The following HMCN1 variants were observed in gnomAD, a reference collection of about 807,000 sequenced individuals.
The protein encoded by HMCN1 is hemicentin-1.
In HMCN1, 321 loss-of-function variants were observed where a neutral mutation model predicts 625.9. That is an observed-to-expected ratio of 0.51 (90% CI 0.47 to 0.56). HMCN1 has a LOEUF of 0.56. Among genes scored for constraint, HMCN1 ranks in the 20% least tolerant of loss-of-function variants. The probability of loss-of-function intolerance (pLI) is 0.00; values close to 1 mark genes in which losing one functional copy is unlikely to be tolerated. For missense variants in HMCN1, 6,588 were observed against 6,887.3 expected (o/e 0.96, Z 1.54); for synonymous variants, 2,425 against 2,417.6 (o/e 1.00, Z -0.09).
chr1:185,930,701 G>A (rs1667498979), intron 10 of HMCN1, among the ~76,000 whole-genome samples: 1 of 151,868 alleles, frequency 6.6e-6, no homozygotes, highest in Non-Finnish European at 1.5e-5. Flanking sequence ...TTGGTTATTG[G>A]GTTATTGATT....
At chr1:185,874,316 C>T (rs765162779) in intron 4 of HMCN1, among the ~76,000 whole-genome samples, 4 of 151,842 alleles carry the variant, frequency 2.6e-5, no homozygotes, top group Non-Finnish European at 5.9e-5. Flanking sequence ...TAAAAATATT[C>T]GTCAAGGACC....
chr1:186,153,204 A>G (rs1377032148), intron 96 of HMCN1, among the ~76,000 whole-genome samples: 1 of 152,196 alleles, frequency 6.6e-6, no homozygotes, highest in Non-Finnish European at 1.5e-5. Flanking sequence ...AAGGATAACA[A>G]TCGCCCTTTC....
At chr1:185,989,693 T>G (rs1652277443) in intron 21 of HMCN1, 46 bp downstream of exon 21, 2 of 1,591,486 alleles carry the variant, frequency 1.3e-6, no homozygotes, top group Non-Finnish European at 1.7e-6. Context: ...TGTCTATCTG[T>G]GCCAAAACTC....
At chr1:185,900,081 T>C (rs1665714171) in intron 4 of HMCN1, among the ~76,000 whole-genome samples, 1 of 152,032 alleles carries the variant, frequency 6.6e-6, no homozygotes, top group South Asian at 2.1e-4. Context: ...CTCTGTTTCT[T>C]CTTTACTTTT....
At chr1:185,975,204 A>G (rs1651108419) in intron 15 of HMCN1, among the ~76,000 whole-genome samples, 1 of 152,198 alleles carries the variant, frequency 6.6e-6, no homozygotes, top group Non-Finnish European at 1.5e-5. Flanking sequence ...AAAAGTAACT[A>G]GGTCTTAGAG....
At chr1:186,157,851 T>G (rs1347201085) in intron 97 of HMCN1, among the ~76,000 whole-genome samples, 4 of 152,148 alleles carry the variant, frequency 2.6e-5, no homozygotes, top group Non-Finnish European at 5.9e-5. Flanking sequence ...TGTTGGACAT[T>G]TGGGTTGGTT....
chr1:186,116,062 T>C (rs927679498), intron 75 of HMCN1, among the ~76,000 whole-genome samples: 34 of 152,100 alleles, frequency 2.2e-4, no homozygotes, highest in African/African-American at 8.0e-4. Flanking sequence ...ATGTCCACTT[T>C]AACAAAAATC....
chr1:185,735,502 A>C (rs2102057163), intron 1 of HMCN1, among the ~76,000 whole-genome samples: 1 of 152,344 alleles, frequency 6.6e-6, no homozygotes, highest in Non-Finnish European at 1.5e-5. Flanking sequence ...GTTGTGTGAG[A>C]CACAAGGAAG....
intron 63 of HMCN1, among the ~76,000 whole-genome samples, chr1:186,090,210 AT>A (rs373157878): frequency 6.6e-6 from 1 of 152,112 alleles, no homozygotes; most frequent in Non-Finnish European, 1.5e-5. Context: ...GAAACCAAAG[AT>A]GGCTAGAAAA....
intron 4 of HMCN1, among the ~76,000 whole-genome samples, chr1:185,892,324 C>A (rs1015931909): frequency 6.6e-6 from 1 of 152,044 alleles, no homozygotes; most frequent in Non-Finnish European, 1.5e-5. Context: ...CAAAGTCATT[C>A]TCCGTCCAGC....
chr1:185,972,747 T>C (rs1272324702), intron 15 of HMCN1, among the ~76,000 whole-genome samples: 1 of 152,142 alleles, frequency 6.6e-6, no homozygotes, highest in Non-Finnish European at 1.5e-5. Context: ...TGCTTCATTT[T>C]TGAGGTTTGC....
At chr1:185,784,963 C>A (rs1657458284) in intron 1 of HMCN1, among the ~76,000 whole-genome samples, 1 of 152,140 alleles carries the variant, frequency 6.6e-6, no homozygotes, top group Non-Finnish European at 1.5e-5. Context: ...AGAGTATGTA[C>A]TCATTTGTTC....
chr1:185,886,497 C>G (rs1664659349), intron 4 of HMCN1, among the ~76,000 whole-genome samples: 1 of 151,876 alleles, frequency 6.6e-6, no homozygotes, highest in Admixed American at 6.6e-5. Context: ...TTTAATTCAT[C>G]TCTTACTTGC....
At chr1:186,039,393 C>T (rs779367295) in intron 38 of HMCN1, among the ~76,000 whole-genome samples, 4 of 151,748 alleles carry the variant, frequency 2.6e-5, no homozygotes, top group Admixed American at 6.6e-5. Context: ...GAAGGGGGTA[C>T]ACACTTGTGT....
chr1:186,117,496 A>G lies in HMCN1; in HGVS notation c.11721A>G (p.Leu3907=), dbSNP rs762163828. The G allele has an allele frequency of 2.5e-5, 41 of 1,613,756 alleles. No individual in the cohort carries two copies. The highest frequency in any genetic ancestry group is 3.4e-5 in the Non-Finnish European group (40 of 1,179,858). The part of the protein sequence containing the change: ...PSIADEPTDF[L]VTKHAPAVIT... ...TAGCTGATGAGCCTACAGATTTCCTAGTAACCAAACATGCCCCAGCAGTAA... is the reference window on the plus strand; with the variant it reads ...TAGCTGATGAGCCTACAGATTTCCTGGTAACCAAACATGCCCCAGCAGTAA... The change falls in exon 77 of 107, where the codon CTA becomes CTG. Residue 3907 remains leucine, a synonymous_variant. Transcript: ENST00000271588.
At chr1:185,928,882 T>C (rs1281044605) in intron 10 of HMCN1, among the ~76,000 whole-genome samples, 1 of 152,094 alleles carries the variant, frequency 6.6e-6, no homozygotes, top group Non-Finnish European at 1.5e-5. Flanking sequence ...ATGCCTTGGT[T>C]TCCCTAACTG....
At chr1:186,189,421 C>A in intron 106 of HMCN1, 91 bp from the exon 107 acceptor site, 1 of 1,442,602 alleles carries the variant, frequency 6.9e-7, no homozygotes, top group Non-Finnish European at 9.6e-7. Flanking sequence ...GCATGCAGTG[C>A]CTAAAAGTTG....
chr1:185,924,491 A>G (rs1000497784), intron 8 of HMCN1, among the ~76,000 whole-genome samples: 2 of 151,990 alleles, frequency 1.3e-5, no homozygotes, highest in Non-Finnish European at 2.9e-5. Context: ...TATACATAAG[A>G]TAGTGATTTG....
At chr1:185,869,891 T>G (rs934195262) in intron 4 of HMCN1, among the ~76,000 whole-genome samples, 2 of 152,174 alleles carry the variant, frequency 1.3e-5, no homozygotes, top group African/African-American at 4.8e-5. Flanking sequence ...AGACTCTTCA[T>G]CTACTGTTTC....
Sources: allele counts gnomAD v4.1 joint callset (sites outside exome capture counted in the v4.1 genomes callset), GRCh38; gene constraint gnomAD v4.1.1; transcripts MANE v1.5; gene names NCBI Gene and HGNC (gene_info 2026-07-23, HGNC 2026-07-21).